The following SGF29 variants were observed in gnomAD, a reference collection of about 807,000 sequenced individuals.
The protein encoded by SGF29 is SAGA-associated factor 29.
Under a neutral mutation model 38.1 loss-of-function variants are expected in SGF29, and 15 were observed. The ratio of observed to expected loss-of-function variants is 0.39; its 90% CI spans 0.26 to 0.61. The LOEUF (loss-of-function observed/expected upper bound fraction) is 0.61, where lower values mean the gene tolerates loss of function less well. Ranked by LOEUF, SGF29 falls within the 20% of genes least tolerant of loss-of-function variation. The pLI, the probability that SGF29 is intolerant of heterozygous loss-of-function variation, is 0.49. For missense variants in SGF29, 184 were observed against 394.6 expected, an observed-to-expected ratio of 0.47 and a Z score of 4.52; for synonymous variants, 151 against 160.8, an observed-to-expected ratio of 0.94 and a Z score of 0.46.
chr16:28,572,003 G>A (rs2046867666), intron 1 of SGF29, among the ~76,000 whole-genome samples: 1 of 152,086 alleles, frequency 6.6e-6, no homozygotes, highest in Non-Finnish European at 1.5e-5. Flanking sequence ...TTTTTGAGAC[G>A]GAGTCTCGCA....
rs187027687 is a variant in SGF29, at chr16:28,556,747, G to A, written c.-16+2650G>A. Among the ~76,000 whole-genome samples the A allele has an allele frequency of 7.9e-3, 1,207 of 152,170 alleles. 6 individuals are homozygous for A. The highest frequency in any genetic ancestry group is 0.013 in the South Asian group (64 of 4,826). On this transcript the variant is annotated intron_variant, in intron 1 of 9. Coordinates refer to ENST00000317058, the MANE Select transcript of SGF29 (RefSeq NM_138414.3). ...TATTCCCAAATTCCTGGGCTCAAGT[G>A]ATCCTCCTGCCATAGCCTCCTGAGT...
rs117058170 is a variant in SGF29, at chr16:28,578,052, G to T, written c.-15-3003G>T. Among the ~76,000 whole-genome samples, 1,237 of 151,978 alleles carry T rather than the reference G, an allele frequency of 8.1e-3. 11 individuals carry two copies. The highest frequency in any genetic ancestry group is 0.013 in the Non-Finnish European group (870 of 68,006). On this transcript the variant is annotated intron_variant, in intron 1 of 9. Transcript: ENST00000317058. ...TAAAGTAGAAGTGGGGCTCAGGCTC[G>T]TCTGGTGGCCTAGGCTCGTCTGGAC...
intron 4 of SGF29, among the ~76,000 whole-genome samples, 168 bp downstream of exon 4, chr16:28,585,888 T>G (rs2046953867): frequency 6.6e-6 from 1 of 152,188 alleles, no homozygotes; most frequent in East Asian, 1.9e-4. Flanking sequence ...CCAGGCCCAC[T>G]CTTCCAGTTA....
intron 1 of SGF29, among the ~76,000 whole-genome samples, chr16:28,555,026 C>T (rs2046739926): frequency 6.6e-6 from 1 of 152,202 alleles, no homozygotes; most frequent in African/African-American, 2.4e-5. Flanking sequence ...GACACGTTCT[C>T]TGTTGCTCAG....
At chr16:28,566,650 A>G (rs996876636) in intron 1 of SGF29, among the ~76,000 whole-genome samples, 32 of 143,452 alleles carry the variant, frequency 2.2e-4, no homozygotes, top group Non-Finnish European at 2.9e-4. Flanking sequence ...GCGTGGTGGT[A>G]CACACCTGTA....
At chr16:28,574,644 G>A (rs576850792) in intron 1 of SGF29, among the ~76,000 whole-genome samples, 2 of 152,302 alleles carry the variant, frequency 1.3e-5, no homozygotes, top group African/African-American at 4.8e-5. Flanking sequence ...GCTTTAGCAG[G>A]AGAGAATAAC....
chr16:28,568,793 A>G (rs1044016493), intron 1 of SGF29, among the ~76,000 whole-genome samples: 4 of 152,106 alleles, frequency 2.6e-5, no homozygotes, highest in South Asian at 2.1e-4. Flanking sequence ...TGTGCCTGCA[A>G]TCTCAGCTAC....
chr16:28,590,564 C>G lies in SGF29; in HGVS notation c.567-67C>G. On this transcript the variant is annotated intron_variant, in intron 7 of 9. Transcript: ENST00000317058. The surrounding 1 kb of genome is among the most constrained non-coding windows in gnomAD (Gnocchi z 8.2). ...GTGCAGGGAGCACCAGGTCCTCCCC[C>G]ATCCTCACTCCCCAACAGGTACTGC... The G allele has an allele frequency of 1.9e-6, 3 of 1,612,142 alleles. No homozygotes were observed. Among genetic ancestry groups the G allele is most frequent in the Non-Finnish European group, 2.5e-6 (3 of 1,179,262 alleles).
chr16:28,581,366 A>T (rs2151650634), intron 2 of SGF29, among the ~76,000 whole-genome samples: 1 of 152,292 alleles, frequency 6.6e-6, no homozygotes, highest in East Asian at 1.9e-4. Context: ...CTATCCTGAG[A>T]TAGAATTCAC....
chr16:28,590,870 G>A lies in SGF29; in HGVS notation c.700G>A (p.Val234Met), dbSNP rs1295807817. 9 of 1,613,830 alleles carry A rather than the reference G, an allele frequency of 5.6e-6. No individual in the cohort carries two copies. The highest frequency in any genetic ancestry group is 7.6e-6 in the Non-Finnish European group (9 of 1,179,876). Residue 234 changes from valine (V) to methionine (M), a missense_variant, in exon 9 of 10, where the codon GTG (valine) becomes ATG (methionine). Physicochemically the swap from Val to Met is conservative, Grantham distance 21 (BLOSUM62 1). Coordinates refer to ENST00000317058, the MANE Select transcript of SGF29 (RefSeq NM_138414.3). The surrounding 1 kb of genome is among the most constrained non-coding windows in gnomAD (Gnocchi z 8.2). Reference sequence around the variant, plus strand: ...GGCCTTGTTCCAGAAGGAGCAGCTCGTGCTGGCCCTGTATCCCCAGACTAC... The same window carrying A: ...GGCCTTGTTCCAGAAGGAGCAGCTCATGCTGGCCCTGTATCCCCAGACTAC... ...PEALFQKEQL[V>M]LALYPQTTCF...
chr16:28,583,354 C>T (rs1361390740), intron 2 of SGF29, among the ~76,000 whole-genome samples: 2 of 152,242 alleles, frequency 1.3e-5, no homozygotes, highest in Admixed American at 1.3e-4. Context: ...GTCCAGATTG[C>T]AGCGGCAGCA....
chr16:28,590,997 G>A lies in SGF29; in HGVS notation c.765+62G>A, dbSNP rs1596610324. On this transcript the variant is annotated intron_variant, in intron 9 of 9. Coordinates refer to ENST00000317058, the MANE Select transcript of SGF29 (RefSeq NM_138414.3). This position sits in a 1 kb window ranked among gnomAD's most constrained non-coding sequence, Gnocchi z 8.2. Reference sequence around the variant, plus strand: ...TCAGGAACAGGCTGATCAGACAGACGAGGGGTCCTCTCCCCACTCCTTCCC... The same window carrying A: ...TCAGGAACAGGCTGATCAGACAGACAAGGGGTCCTCTCCCCACTCCTTCCC... 3 of 1,505,602 alleles carry A rather than the reference G, an allele frequency of 2.0e-6. No homozygotes were observed. The highest frequency in any genetic ancestry group is 2.7e-6 in the Non-Finnish European group (3 of 1,120,792). The allele number at this position is 1,505,602 out of a possible 1,614,324, so 93.3% of individuals were successfully genotyped here.
chr16:28,581,181 A>G (rs781578835), intron 2 of SGF29, 37 bp downstream of exon 2: 6 of 1,580,396 alleles, frequency 3.8e-6, no homozygotes, highest in East Asian at 2.2e-5. Context: ...AGATGGGAAC[A>G]TGGGCTTTGA....
At chr16:28,556,430 C>T (rs2046751759) in intron 1 of SGF29, among the ~76,000 whole-genome samples, 2 of 152,298 alleles carry the variant, frequency 1.3e-5, no homozygotes, top group East Asian at 3.9e-4. Context: ...TCACTGCAAC[C>T]TCCGCCTTCC....
At chr16:28,561,195 C>T (rs1004124221) in intron 1 of SGF29, among the ~76,000 whole-genome samples, 2 of 152,096 alleles carry the variant, frequency 1.3e-5, no homozygotes, top group Admixed American at 1.3e-4. Context: ...AGTTAAAGAC[C>T]AGCCTGGGCA....
chr16:28,574,366 G>A (rs1191085194), intron 1 of SGF29, among the ~76,000 whole-genome samples: 1 of 152,232 alleles, frequency 6.6e-6, no homozygotes, highest in African/African-American at 2.4e-5. Context: ...TACACAGTGT[G>A]TAGGAAGTTG....
rs143989405 is a variant in SGF29, at chr16:28,581,386, A to G, written c.75+242A>G. On this transcript the variant is annotated intron_variant, in intron 2 of 9. Coordinates refer to ENST00000317058, the MANE Select transcript of SGF29 (RefSeq NM_138414.3). ...CTGAGATAGAATTCACATGCCATAC[A>G]ACGCACCCATTTAAAGTGTATAATC... Among the ~76,000 whole-genome samples, 515 of 152,292 alleles carry G rather than the reference A, an allele frequency of 3.4e-3. 3 individuals carry two copies. Among genetic ancestry groups the G allele is most frequent in the Middle Eastern group, 6.8e-3 (2 of 294 alleles).
At position 28,559,300 on chromosome 16, in the gene SGF29, A is replaced by G. The variant is rs74409133; in HGVS notation, c.-16+5203A>G. 2.1e-3 allele frequency among the ~76,000 whole-genome samples: 318 copies of G among 152,322 alleles called. 7 individuals carry two copies. In the East Asian group the frequency reaches 0.043, roughly 21 times the overall value. ...ACACCACTTCACTCCAGCCTGGGCA[A>G]TGAGAGTGAGACCCTGTCTCAAATA... On this transcript the variant is annotated intron_variant, in intron 1 of 9. Coordinates refer to ENST00000317058, the MANE Select transcript of SGF29 (RefSeq NM_138414.3).
At chr16:28,587,881 G>A (rs1334081179) in intron 4 of SGF29, among the ~76,000 whole-genome samples, 6 of 152,090 alleles carry the variant, frequency 3.9e-5, no homozygotes, top group Non-Finnish European at 8.8e-5. Flanking sequence ...CTCACTGCAA[G>A]CTCTGCCCCC....
Sources: gnomAD v4.1 joint callset for allele counts (sites outside exome capture counted in the v4.1 genomes callset) on GRCh38, gnomAD v4.1.1 for gene constraint, Gnocchi (gnomAD v3.1) non-coding constraint, MANE v1.5 for transcripts, NCBI Gene and HGNC (gene_info 2026-07-23, HGNC 2026-07-21) for gene names.